TBC1D14: variants seen among roughly 807,000 people sequenced by gnomAD.
The protein encoded by TBC1D14 is TBC1 domain family member 14, also known as TBC1 domain family, member 14.
A neutral mutation model predicts 79.0 loss-of-function variants in TBC1D14; 26 were observed. The ratio of observed to expected loss-of-function variants is 0.33; its 90% CI spans 0.24 to 0.46. TBC1D14 has a LOEUF of 0.46. Ranked by LOEUF, TBC1D14 falls within the 20% of genes least tolerant of loss-of-function variation. The pLI is 1.00. For synonymous variants in TBC1D14, 394 were observed against 349.9 expected (o/e 1.13, Z -1.40); for missense variants, 769 against 887.6 (o/e 0.87, Z 1.70).
intron 7 of TBC1D14, among the ~76,000 whole-genome samples, chr4:7,004,003 A>G (rs762836548): frequency 1.1e-4 from 16 of 152,048 alleles, no homozygotes; most frequent in Non-Finnish European, 2.1e-4. Flanking sequence ...GCAAGACTCC[A>G]TCTCGGAAAA....
intron 2 of TBC1D14, among the ~76,000 whole-genome samples, chr4:6,930,836 C>T (rs1270744491): frequency 2.0e-5 from 3 of 150,508 alleles, no homozygotes; most frequent in South Asian, 2.1e-4. Flanking sequence ...TCAGTGATTT[C>T]GGAAACTGGC....
At chr4:6,941,929 A>T (rs1280637119) in intron 2 of TBC1D14, among the ~76,000 whole-genome samples, 3 of 152,160 alleles carry the variant, frequency 2.0e-5, no homozygotes, top group Non-Finnish European at 4.4e-5. Flanking sequence ...TCAGCCTGGG[A>T]GGTGGCGATT....
intron 1 of TBC1D14, among the ~76,000 whole-genome samples, chr4:6,918,000 C>G (rs1577454311): frequency 6.6e-6 from 1 of 152,294 alleles, no homozygotes; most frequent in South Asian, 2.1e-4. Context: ...ACGCCCTGTT[C>G]TGAGGTTTAA....
intron 9 of TBC1D14, among the ~76,000 whole-genome samples, chr4:7,009,546 C>T (rs555069578): frequency 4.6e-5 from 7 of 152,284 alleles, no homozygotes; most frequent in East Asian, 3.9e-4. Context: ...GAAGAGCCCC[C>T]GCATACCTGG....
At chr4:6,939,990 C>T (rs975683669) in intron 2 of TBC1D14, among the ~76,000 whole-genome samples, 1 of 152,354 alleles carries the variant, frequency 6.6e-6, no homozygotes, top group Middle Eastern at 3.4e-3. Flanking sequence ...CACCAGCGGC[C>T]TGTGCCCCTG....
At chr4:7,014,377 T>TATACAAA in intron 11 of TBC1D14, 71 bp from the exon 12 acceptor site, 1 of 941,812 alleles carries the variant, frequency 1.1e-6, no homozygotes, top group African/African-American at 1.6e-5. Flanking sequence ...AAGATATACA[T>TATACAAA]ATATTGACTT....
At chr4:6,985,534 CA>C (rs1380738234) in intron 3 of TBC1D14, among the ~76,000 whole-genome samples, 1 of 151,990 alleles carries the variant, frequency 6.6e-6, no homozygotes, top group Non-Finnish European at 1.5e-5. Flanking sequence ...GCGTAAAACC[CA>C]AAAAGAACTA....
intron 10 of TBC1D14, 87 bp downstream of exon 10, chr4:7,010,035 T>C (rs902185992): frequency 2.7e-6 from 4 of 1,458,960 alleles, no homozygotes; most frequent in African/African-American, 2.8e-5. Context: ...GCAAATGTCA[T>C]GCCAGTGCCT....
chr4:6,936,650 G>A (rs535108243), intron 2 of TBC1D14, among the ~76,000 whole-genome samples: 7 of 152,320 alleles, frequency 4.6e-5, no homozygotes, highest in South Asian at 2.1e-4. Flanking sequence ...ATACCAAGGC[G>A]TGCAGTGGCT....
chr4:7,027,379 C>G (rs59762399), intron 13 of TBC1D14, among the ~76,000 whole-genome samples: 1 of 125,342 alleles, frequency 8.0e-6, no homozygotes, highest in Admixed American at 8.8e-5. Flanking sequence ...CATCCATTCA[C>G]CCCCCATCTC....
At chr4:6,942,323 AGCGAGCTGGGTTTGTAACT>A (rs1435174501) in intron 2 of TBC1D14, among the ~76,000 whole-genome samples, 1 of 152,096 alleles carries the variant, frequency 6.6e-6, no homozygotes, top group Non-Finnish European at 1.5e-5. Flanking sequence ...GTTTATGTTG[AGCGAGCTGGGTTTGTAACT>A]GCGAGCTGTT....
intron 13 of TBC1D14, among the ~76,000 whole-genome samples, chr4:7,027,404 TC>T (rs1438740935): frequency 1.4e-5 from 1 of 73,972 alleles, no homozygotes; most frequent in Non-Finnish European, 2.5e-5. Context: ...ACCCACACAA[TC>T]ACCCCCCACA....
chr4:6,958,376 T>TACACACACACACACAC lies in TBC1D14; in HGVS notation c.723-8916_723-8901dup, dbSNP rs60999179. Among the ~76,000 whole-genome samples the TACACACACACACACAC allele has an allele frequency of 8.1e-3, 1,209 of 149,196 alleles. 17 individuals carry two copies. The highest frequency in any genetic ancestry group is 0.028 in the African/African-American group (1,110 of 40,072). On this transcript the variant is annotated intron_variant, in intron 2 of 13. Coordinates refer to ENST00000409757, the MANE Select transcript of TBC1D14 (RefSeq NM_020773.3). ...GGGTGATACACGTGATCCCCACATA[T>TACACACACACACACAC]ACACACACACACACACACACACACA...
chr4:6,952,647 G>A (rs529050021), intron 2 of TBC1D14, among the ~76,000 whole-genome samples: 1 of 152,260 alleles, frequency 6.6e-6, no homozygotes, highest in South Asian at 2.1e-4. Context: ...GACTTCTTTG[G>A]TGCCTTGCAT....
chr4:6,967,967 G>A (rs1258970320), intron 3 of TBC1D14, among the ~76,000 whole-genome samples: 1 of 152,124 alleles, frequency 6.6e-6, no homozygotes, highest in Non-Finnish European at 1.5e-5. Flanking sequence ...TGCTCCTTAC[G>A]GTGGGAGAGA....
intron 2 of TBC1D14, among the ~76,000 whole-genome samples, chr4:6,927,305 G>A (rs1288236788): frequency 6.6e-6 from 1 of 152,096 alleles, no homozygotes; most frequent in Non-Finnish European, 1.5e-5. Flanking sequence ...TGGGGAGGGG[G>A]TGGCACCGCA....
At position 7,025,221 on chromosome 4, in the gene TBC1D14, G is replaced by A. The variant is rs769575829; in HGVS notation, c.1975G>A (p.Ala659Thr). 8.4e-5 allele frequency: 135 copies of A among 1,614,108 alleles called. 3 individuals are homozygous for A. Among genetic ancestry groups the A allele is most frequent in the East Asian group, 6.2e-4 (28 of 44,904 alleles). ...LPAEELFASIATIQMQSRNKK... is the reference protein window; with the variant it reads ...LPAEELFASITTIQMQSRNKK... Reference sequence around the variant, plus strand: ...CGCCGAGGAGCTGTTTGCCTCCATCGCCACGATCCAGATGCAGAGCCGAAA... The same window carrying A: ...CGCCGAGGAGCTGTTTGCCTCCATCACCACGATCCAGATGCAGAGCCGAAA... The change falls in exon 13 of 14, where the codon GCC (alanine) becomes ACC (threonine). Residue 659 changes from alanine (A) to threonine (T), a missense_variant. Coordinates refer to ENST00000409757, the MANE Select transcript of TBC1D14 (RefSeq NM_020773.3).
At chr4:7,011,205 C>T (rs554594427) in intron 11 of TBC1D14, among the ~76,000 whole-genome samples, 3 of 152,148 alleles carry the variant, frequency 2.0e-5, no homozygotes, top group African/African-American at 7.2e-5. Context: ...TGAAGTGTGC[C>T]CACACCCGGG....
intron 2 of TBC1D14, among the ~76,000 whole-genome samples, chr4:6,956,996 C>T (rs529595833): frequency 3.3e-5 from 5 of 152,398 alleles, no homozygotes; most frequent in Non-Finnish European, 7.3e-5. Flanking sequence ...CCACACCCCA[C>T]AGCTTTGCCT....
Sources: allele counts gnomAD v4.1 joint callset (sites outside exome capture counted in the v4.1 genomes callset), GRCh38; gene constraint gnomAD v4.1.1; transcripts MANE v1.5; gene names NCBI Gene and HGNC (gene_info 2026-07-23, HGNC 2026-07-21).